Variants in CNTNAP3B observed in about 807,000 individuals in gnomAD.
CNTNAP3B encodes contactin associated protein family member 3B.
In CNTNAP3B, 25 loss-of-function variants were observed where a neutral mutation model predicts 108.9. The observed-to-expected ratio is 0.23, with a 90% CI of 0.17 to 0.32. The LOEUF is 0.32. Among genes scored for constraint, CNTNAP3B ranks in the 10% least tolerant of loss-of-function variants. The pLI is 1.00. For missense variants in CNTNAP3B, 252 were observed against 1,210.4 expected (o/e 0.21, Z 11.75); for synonymous variants, 103 against 473.4 (o/e 0.22, Z 10.16).
intron 1 of CNTNAP3B, among the ~76,000 whole-genome samples, chr9:42,105,638 C>T (rs1286131873): frequency 2.9e-5 from 2 of 68,916 alleles, no homozygotes; most frequent in East Asian, 7.9e-4. Flanking sequence ...TGGGACCATT[C>T]CCACCTTGGG....
intron 15 of CNTNAP3B, among the ~76,000 whole-genome samples, chr9:41,925,828 C>T (rs1166796205): frequency 7.2e-5 from 11 of 152,276 alleles, no homozygotes; most frequent in Admixed American, 6.5e-4. Flanking sequence ...CAAAATGATC[C>T]AGGCTCATCT....
At chr9:41,977,338 T>G (rs1296163732) in intron 9 of CNTNAP3B, among the ~76,000 whole-genome samples, 1 of 149,752 alleles carries the variant, frequency 6.7e-6, no homozygotes, top group Non-Finnish European at 1.5e-5. Context: ...TCCCTTTTAG[T>G]GCTTCCTAAA....
chr9:41,943,931 G>A (rs1458350356), intron 13 of CNTNAP3B, among the ~76,000 whole-genome samples: 11 of 152,346 alleles, frequency 7.2e-5, no homozygotes, highest in Non-Finnish European at 1.0e-4. Flanking sequence ...ATAAAATCTC[G>A]AAATAAACCA....
At chr9:42,032,758 C>A (rs1477694102) in intron 3 of CNTNAP3B, among the ~76,000 whole-genome samples, 1 of 136,280 alleles carries the variant, frequency 7.3e-6, no homozygotes, top group Non-Finnish European at 1.6e-5. Context: ...ATAATAGACA[C>A]TTATTCTCGC....
chr9:41,939,541 T>G (rs1276331192), intron 13 of CNTNAP3B, among the ~76,000 whole-genome samples: 1 of 152,304 alleles, frequency 6.6e-6, no homozygotes, highest in African/African-American at 2.4e-5. Flanking sequence ...TGGGAAAATT[T>G]AAAGAGGGAT....
At chr9:42,018,769 G>A (rs1826256704) in intron 3 of CNTNAP3B, among the ~76,000 whole-genome samples, 1 of 151,790 alleles carries the variant, frequency 6.6e-6, no homozygotes, top group Non-Finnish European at 1.5e-5. Flanking sequence ...TGGGTCTGAG[G>A]CCAAGTCCCA....
At chr9:41,934,100 C>CATATATATGTGTATATATATAT (rs1314834829) in intron 14 of CNTNAP3B, among the ~76,000 whole-genome samples, 1 of 90,224 alleles carries the variant, frequency 1.1e-5, no homozygotes, top group South Asian at 3.8e-4. Context: ...ATATTTGTTA[C>CATATATATGTGTATATATATAT]ATATATATAT....
At chr9:41,923,570 T>A (rs1417143074) in intron 16 of CNTNAP3B, among the ~76,000 whole-genome samples, 1 of 152,296 alleles carries the variant, frequency 6.6e-6, no homozygotes, top group African/African-American at 2.4e-5. Flanking sequence ...AAGACCAGCC[T>A]GGTCAACATG....
intron 1 of CNTNAP3B, among the ~76,000 whole-genome samples, chr9:42,117,741 G>C (rs998393222): frequency 2.9e-5 from 4 of 135,948 alleles, no homozygotes; most frequent in Non-Finnish European, 6.2e-5. Context: ...TCCAAGAGCT[G>C]GTTTTTTGGA....
chr9:41,958,128 G>A (rs1222544547), intron 12 of CNTNAP3B, among the ~76,000 whole-genome samples: 1 of 152,100 alleles, frequency 6.6e-6, no homozygotes, highest in Non-Finnish European at 1.5e-5. Context: ...TTTTTTTGGA[G>A]ACAAGGTCTT....
chr9:41,919,642 T>C (rs1414274737), intron 18 of CNTNAP3B, among the ~76,000 whole-genome samples: 1 of 152,290 alleles, frequency 6.6e-6, no homozygotes, highest in Non-Finnish European at 1.5e-5. Flanking sequence ...CAAGGGACAA[T>C]GGGTAAGACG....
intron 13 of CNTNAP3B, among the ~76,000 whole-genome samples, chr9:41,939,039 G>A (rs933040042): frequency 5.8e-3 from 887 of 151,658 alleles, no homozygotes; most frequent in African/African-American, 0.021. Flanking sequence ...TGACGAGTGC[G>A]CCTCCTTCTC....
At position 42,003,180 on chromosome 9, in the gene CNTNAP3B, C is replaced by T. The variant is rs550677420; in HGVS notation, c.539-4576G>A. 4.0e-4 allele frequency among the ~76,000 whole-genome samples: 56 copies of T among 139,396 alleles called. 7 individuals are homozygous for T. In the South Asian group the frequency reaches 0.012, roughly 31 times the overall value. The allele number at this position is 139,396 out of a possible 152,430, so 91.4% of individuals were successfully genotyped here. On this transcript the variant is annotated intron_variant, in intron 4 of 23. Transcript: ENST00000377561. ...CTGGGATTACAGGCATAAGCCACCC[C>T]GCCTGGCCTACTTTCACATTTTTCA...
intron 3 of CNTNAP3B, among the ~76,000 whole-genome samples, chr9:42,042,930 A>G (rs1826792991): frequency 6.8e-6 from 1 of 147,266 alleles, no homozygotes; most frequent in South Asian, 2.2e-4. Context: ...TAACTAATTG[A>G]CTTTTTGCTA....
intron 18 of CNTNAP3B, among the ~76,000 whole-genome samples, chr9:41,917,929 A>T (rs1236752949): frequency 6.6e-6 from 1 of 152,298 alleles, no homozygotes; most frequent in African/African-American, 2.4e-5. Context: ...AGGTGCAGGG[A>T]GAGGGTCTTG....
In CNTNAP3B at chr9:41,953,269, T is replaced by A. The variant is rs1279738021; in HGVS notation, c.1994A>T (p.Gln665Leu). Residue 665 changes from glutamine to leucine, a missense_variant, in exon 13 of 24, where the codon CAG becomes CTG. Coordinates refer to ENST00000377561, the MANE Select transcript of CNTNAP3B (RefSeq NM_001201380.3). ...CGCCAGGTTCACCGCGGCCCGCAGC[T>A]GCCCCGCGCCCGCTGCGTACGCGAA... ...VSFAYAAGAG[Q>L]LRAAVNLAER... is the part of the protein sequence containing the mutation. 6.5e-7 allele frequency: 1 copy of A among 1,527,696 alleles called. No individual in the cohort carries two copies. Among genetic ancestry groups the A allele is most frequent in the Middle Eastern group, 2.3e-4 (1 of 4,406 alleles). The allele number at this position is 1,527,696 out of a possible 1,614,324, so 94.6% of individuals were successfully genotyped here.
At position 42,124,182 on chromosome 9, in the gene CNTNAP3B, C is replaced by T. The variant is rs1227527380; in HGVS notation, c.85+4828G>A. On this transcript the variant is annotated intron_variant, in intron 1 of 23. Transcript: ENST00000377561. ...TAAAATCTCAAATGTTTTTAGATTT[C>T]AATCACTCTTCGTATTATTACAACA... Among the ~76,000 whole-genome samples the T allele has an allele frequency of 4.4e-5, 6 of 135,940 alleles. 2 individuals are homozygous for T. Among genetic ancestry groups the T allele is most frequent in the Admixed American group, 1.5e-4 (2 of 13,532 alleles). 89.2% of individuals were successfully genotyped at this position (135,940 alleles called of 152,430 possible).
intron 3 of CNTNAP3B, among the ~76,000 whole-genome samples, chr9:42,041,894 T>A (rs1826767272): frequency 6.9e-6 from 1 of 145,048 alleles, no homozygotes; most frequent in East Asian, 2.0e-4. Context: ...CACCATGGAA[T>A]ACAATGCAGC....
At chr9:41,941,916 G>A (rs1404945881) in intron 13 of CNTNAP3B, among the ~76,000 whole-genome samples, 2 of 152,136 alleles carry the variant, frequency 1.3e-5, no homozygotes, top group Non-Finnish European at 1.5e-5. Context: ...GGAAAAAAAC[G>A]CTCTTATGTC....
Sources: gnomAD v4.1 joint callset for allele counts (sites outside exome capture counted in the v4.1 genomes callset) on GRCh38, gnomAD v4.1.1 for gene constraint, MANE v1.5 for transcripts, NCBI Gene and HGNC (gene_info 2026-07-23, HGNC 2026-07-21) for gene names.